Variants in PDE8B observed in about 807,000 individuals in gnomAD.
PDE8B encodes the protein high affinity cAMP-specific and IBMX-insensitive 3',5'-cyclic phosphodiesterase 8B.
A neutral mutation model predicts 101.3 loss-of-function variants in PDE8B; 26 were observed. The ratio of observed to expected loss-of-function variants is 0.26; its 90% CI spans 0.19 to 0.36. The LOEUF (loss-of-function observed/expected upper bound fraction) is 0.36. PDE8B is among the 10% of genes least tolerant of loss of function. PDE8B has a pLI of 1.00. For synonymous variants in PDE8B, 424 were observed against 429.3 expected (o/e 0.99, Z 0.15); for missense variants, 810 against 1,163.1 (o/e 0.70, Z 4.42).
intron 1 of PDE8B, among the ~76,000 whole-genome samples, chr5:77,212,132 G>A (rs968088390): frequency 3.3e-5 from 5 of 152,140 alleles, no homozygotes; most frequent in Admixed American, 6.5e-5. Flanking sequence ...TCAAAGTACC[G>A]TTAAATCCAA....
chr5:77,187,068 TAC>T, the PDE8B span, among the ~76,000 whole-genome samples: 8 of 152,236 alleles, frequency 5.3e-5, no homozygotes, highest in African/African-American at 1.9e-4. Context: ...GTACACAGTG[TAC>T]ACAGTTTCAG....
intron 10 of PDE8B, among the ~76,000 whole-genome samples, chr5:77,383,105 T>G (rs1048720729): frequency 6.6e-6 from 1 of 152,220 alleles, no homozygotes; most frequent in African/African-American, 2.4e-5. Flanking sequence ...ATCTGTTGTT[T>G]CCTGACTTTT....
At chr5:77,282,558 G>T (rs906039080) in intron 1 of PDE8B, among the ~76,000 whole-genome samples, 1 of 152,134 alleles carries the variant, frequency 6.6e-6, no homozygotes, top group Non-Finnish European at 1.5e-5. Context: ...CCCCTGTGCT[G>T]TGGGGAGGCC....
the PDE8B span, among the ~76,000 whole-genome samples, chr5:77,137,118 A>C: frequency 2.0e-5 from 3 of 152,100 alleles, no homozygotes; most frequent in African/African-American, 7.2e-5. Flanking sequence ...TTTTGTCATC[A>C]TGTATTGTGA....
the PDE8B span, among the ~76,000 whole-genome samples, chr5:77,130,005 C>G: frequency 6.6e-6 from 1 of 152,214 alleles, no homozygotes; most frequent in African/African-American, 2.4e-5. Context: ...TGTTTTCACA[C>G]AGAGATGCAG....
chr5:77,161,279 A>G, the PDE8B span, among the ~76,000 whole-genome samples: 1 of 152,194 alleles, frequency 6.6e-6, no homozygotes, highest in African/African-American at 2.4e-5. Context: ...TGGATTTCAT[A>G]TAAATGAAAT....
At chr5:77,133,403 T>A in the PDE8B span, among the ~76,000 whole-genome samples, 2 of 152,228 alleles carry the variant, frequency 1.3e-5, no homozygotes, top group Non-Finnish European at 2.9e-5. Context: ...CGACTGTTAT[T>A]TTAAGCCACT....
intron 1 of PDE8B, among the ~76,000 whole-genome samples, chr5:77,296,155 TTCA>T (rs1030443760): frequency 1.1e-4 from 16 of 146,434 alleles, no homozygotes; most frequent in African/African-American, 9.8e-5. Context: ...CCTCCTCTTC[TTCA>T]TCATCTTCTT....
chr5:77,176,304 C>G, the PDE8B span, among the ~76,000 whole-genome samples: 1 of 152,146 alleles, frequency 6.6e-6, no homozygotes, highest in Non-Finnish European at 1.5e-5. Context: ...GCGCTGTCTA[C>G]CCTTCCCAGG....
the PDE8B span, among the ~76,000 whole-genome samples, chr5:77,106,408 G>A: frequency 6.6e-6 from 1 of 152,176 alleles, no homozygotes; most frequent in East Asian, 1.9e-4. Flanking sequence ...ATTTGCCGAA[G>A]CACCCCTTTT....
At chr5:77,369,134 C>T (rs1481154425) in intron 10 of PDE8B, among the ~76,000 whole-genome samples, 1 of 134,304 alleles carries the variant, frequency 7.4e-6, no homozygotes, top group Non-Finnish European at 1.5e-5. Context: ...ACCTGGGAGA[C>T]GGAGGTTGCA....
the PDE8B span, among the ~76,000 whole-genome samples, chr5:77,168,739 T>A: frequency 1.3e-5 from 2 of 152,150 alleles, no homozygotes; most frequent in Non-Finnish European, 2.9e-5. Context: ...ATCAACAGCC[T>A]CCCTCCATTA....
intron 1 of PDE8B, among the ~76,000 whole-genome samples, chr5:77,302,405 G>A (rs1770171324): frequency 1.3e-5 from 2 of 152,186 alleles, no homozygotes; most frequent in African/African-American, 4.8e-5. Flanking sequence ...AGTGTAAGAT[G>A]CTGTGCTGGA....
In PDE8B at chr5:77,312,095, TTTTTTTTTTC is replaced by T. The variant is rs773479328; in HGVS notation, c.399+52_399+61del. The T allele has an allele frequency of 3.2e-5, 43 of 1,352,696 alleles. No individual in the cohort carries two copies. In the African/African-American group the frequency reaches 4.3e-4, roughly 14 times the overall value. 83.8% of individuals were successfully genotyped at this position (1,352,696 alleles called of 1,614,324 possible). On this transcript the variant is annotated intron_variant, in intron 2 of 21. Coordinates refer to ENST00000264917, the MANE Select transcript of PDE8B (RefSeq NM_003719.5). ...CAGCCCTGTGACTCAGATTATTTTC[TTTTTTTTTTC>T]TTTTTTTTTTTTTTTTGAGATGGAG...
chr5:77,166,590 G>A, the PDE8B span: 2 of 152,164 alleles, frequency 1.3e-5, no homozygotes, highest in Non-Finnish European at 2.9e-5. Context: ...TGTGTGTAGG[G>A]TAGGGTGAGA....
At chr5:77,104,718 A>T in the PDE8B span, 1 of 152,194 alleles carries the variant, frequency 6.6e-6, no homozygotes, top group South Asian at 2.1e-4. Context: ...GCAGGAATGG[A>T]CTGAGAGAAA....
chr5:77,301,943 G>T (rs942265911), intron 1 of PDE8B, among the ~76,000 whole-genome samples: 4 of 152,050 alleles, frequency 2.6e-5, no homozygotes, highest in Non-Finnish European at 5.9e-5. Flanking sequence ...ATCTCTCTAA[G>T]GCTTCCTTGT....
chr5:77,097,709 A>ATC, the PDE8B span, among the ~76,000 whole-genome samples: 4 of 33,712 alleles, frequency 1.2e-4, 1 homozygote, highest in Admixed American at 2.1e-3. Context: ...ATATATATCT[A>ATC]TATATATATA....
chr5:77,187,612 GA>G, the PDE8B span, among the ~76,000 whole-genome samples: 1 of 152,088 alleles, frequency 6.6e-6, no homozygotes, highest in East Asian at 1.9e-4. Flanking sequence ...TGGTATTTTA[GA>G]TTTGATGAAA....
Sources: allele counts gnomAD v4.1 joint callset (sites outside exome capture counted in the v4.1 genomes callset), GRCh38; gene constraint gnomAD v4.1.1; transcripts MANE v1.5; gene names NCBI Gene and HGNC (gene_info 2026-07-23, HGNC 2026-07-21).